Variants in ADGRA2 observed in about 807,000 individuals in gnomAD.
ADGRA2 encodes adhesion G protein-coupled receptor A2, also known as G-protein coupled receptor 124.
A neutral mutation model predicts 98.7 loss-of-function variants in ADGRA2; 61 were observed. The ratio of observed to expected loss-of-function variants is 0.62; its 90% CI spans 0.50 to 0.76. The LOEUF (loss-of-function observed/expected upper bound fraction) is 0.76, where lower values mean the gene tolerates loss of function less well. ADGRA2 is among the 30% of genes least tolerant of loss of function. The pLI is 0.00. For synonymous variants in ADGRA2, 858 were observed against 831.5 expected (o/e 1.03, Z -0.55); for missense variants, 1,712 against 1,860.0 (o/e 0.92, Z 1.46).
Position 37,837,713 on chromosome 8 carries a change from G to C in ADGRA2, c.2051-18G>C. 2 of 1,544,942 alleles carry C rather than the reference G, an allele frequency of 1.3e-6. No homozygotes were observed. The highest frequency in any genetic ancestry group is 2.4e-5 in the South Asian group (2 of 83,984). The stretch of plus-strand genomic sequence containing the variant: ...ACACCCTGTGTGTGTCTGTGTGGAC[G>C]TCCCTCTCCCGCTGTAGGTGGCTGT... On this transcript the variant is annotated intron_variant, in intron 13 of 18. Coordinates refer to ENST00000412232, the MANE Select transcript of ADGRA2 (RefSeq NM_032777.10).
chr8:37,839,396 C>T (rs989600864), intron 15 of ADGRA2, 103 bp from the exon 16 acceptor site: 37 of 1,529,698 alleles, frequency 2.4e-5, no homozygotes, highest in East Asian at 1.2e-4. Context: ...CATTCACACA[C>T]GCAGATATGT....
intron 2 of ADGRA2, among the ~76,000 whole-genome samples, chr8:37,818,767 G>C (rs1263445175): frequency 6.6e-6 from 1 of 152,210 alleles, no homozygotes; most frequent in African/African-American, 2.4e-5. Flanking sequence ...TGTGTCTGGA[G>C]GCCTAAGTGC....
At position 37,842,110 on chromosome 8, in the gene ADGRA2, A is replaced by G. The variant is rs1563355964; in HGVS notation, c.3772A>G (p.Thr1258Ala). 6.7e-7 allele frequency: 1 copy of G among 1,503,494 alleles called. No individual in the cohort carries two copies. Among genetic ancestry groups the G allele is most frequent in the Non-Finnish European group, 8.8e-7 (1 of 1,134,128 alleles). The allele number at this position is 1,503,494 out of a possible 1,614,324, so 93.1% of individuals were successfully genotyped here. Residue 1258 changes from threonine to alanine, a missense_variant, in exon 19 of 19, where the codon ACC becomes GCC. Transcript: ENST00000412232. ...PMLTPSEGSDTSAAPLSEAGR... is the reference protein window; with the variant it reads ...PMLTPSEGSDASAAPLSEAGR... ...GCTCACGCCGTCCGAGGGCAGCGAC[A>G]CCAGCGCCGCGCCGCTTTCTGAGGC...
intron 3 of ADGRA2, 138 bp downstream of exon 3, chr8:37,829,097 C>A: frequency 2.9e-6 from 2 of 697,900 alleles, no homozygotes; most frequent in South Asian, 1.7e-5. Flanking sequence ...TGGCTGGGGT[C>A]AAAGGAGCTG....
chr8:37,800,531 G>C (rs1436934997), intron 1 of ADGRA2, among the ~76,000 whole-genome samples: 1 of 152,176 alleles, frequency 6.6e-6, no homozygotes, highest in Non-Finnish European at 1.5e-5. Context: ...TCTCCATCAG[G>C]TAAGGGAATT....
At chr8:37,805,042 G>C (rs1804621413) in intron 1 of ADGRA2, among the ~76,000 whole-genome samples, 1 of 152,230 alleles carries the variant, frequency 6.6e-6, no homozygotes, top group Non-Finnish European at 1.5e-5. Flanking sequence ...TCCCAGAAAG[G>C]CTGTACCGTG....
rs1804372368 is a variant in ADGRA2, at chr8:37,797,618, A to C, written c.266+84A>C. ...GACGGGAGGGGTGGGAGCAGGGGGA[A>C]GGGGGCTATCCCCCCACTTCAGAGA... is the stretch of plus-strand genomic sequence containing the variant. On this transcript the variant is annotated intron_variant, in intron 1 of 18. Transcript: ENST00000412232. The surrounding 1 kb of genome is among the most constrained non-coding windows in gnomAD (Gnocchi z 5.3). The C allele has an allele frequency of 4.9e-6, 4 of 818,534 alleles. No individual in the cohort carries two copies. The highest frequency in any genetic ancestry group is 4.1e-5 in the South Asian group (1 of 24,642). 50.7% of individuals were successfully genotyped at this position (818,534 alleles called of 1,614,324 possible). A position where few individuals can be genotyped will look rare whatever the true frequency, so the allele number is the denominator to read the frequency against.
rs1244035957 is a variant in ADGRA2, at chr8:37,844,071, A to G, written c.*1716A>G. The G allele has an allele frequency of 1.0e-5, 2 of 191,174 alleles. No homozygotes were observed. The highest frequency in any genetic ancestry group is 2.2e-5 in the Non-Finnish European group (2 of 90,362). 11.8% of individuals were successfully genotyped at this position (191,174 alleles called of 1,614,324 possible). A position where few individuals can be genotyped will look rare whatever the true frequency, so the allele number is the denominator to read the frequency against. ...ATTGCCTGTGAATGCACGTAGGGCC[A>G]GAATTCCCCAGTTCCCGCTCCTCTG... On this transcript the variant is annotated 3_prime_UTR_variant, in exon 19 of 19. Transcript: ENST00000412232.
intron 2 of ADGRA2, among the ~76,000 whole-genome samples, chr8:37,823,039 G>A (rs893734620): frequency 1.5e-4 from 22 of 151,522 alleles, no homozygotes; most frequent in African/African-American, 4.1e-4. Context: ...TTACAGGCGC[G>A]CACTACCACA....
At position 37,814,624 on chromosome 8, in the gene ADGRA2, A is replaced by G. The variant is rs1804926665; in HGVS notation, c.267-272A>G. Among the ~76,000 whole-genome samples, 1 of 152,136 alleles carries G rather than the reference A, an allele frequency of 6.6e-6. No individual in the cohort carries two copies. The highest frequency in any genetic ancestry group is 2.1e-4 in the South Asian group (1 of 4,818). ...AACGGGGCATCACAGGGTCACCCCC[A>G]CCTGCTCAGCCCACCTCCCACCTGC... On this transcript the variant is annotated intron_variant, in intron 1 of 18. Coordinates refer to ENST00000412232, the MANE Select transcript of ADGRA2 (RefSeq NM_032777.10). The surrounding 1 kb of genome is among the most constrained non-coding windows in gnomAD (Gnocchi z 4.3).
chr8:37,825,518 G>C (rs1805252952), intron 2 of ADGRA2, among the ~76,000 whole-genome samples: 1 of 151,852 alleles, frequency 6.6e-6, no homozygotes, highest in Non-Finnish European at 1.5e-5. Context: ...CAAAGTGCAG[G>C]GATTACAGGT....
At position 37,840,748 on chromosome 8, in the gene ADGRA2, C is replaced by T. The variant is rs1327085098; in HGVS notation, c.2658-12C>T. The T allele has an allele frequency of 6.7e-7, 1 of 1,487,070 alleles. No homozygotes were observed. The highest frequency in any genetic ancestry group is 1.1e-5 in the South Asian group (1 of 87,668). The allele number at this position is 1,487,070 out of a possible 1,614,324, so 92.1% of individuals were successfully genotyped here. Reference sequence around the variant, plus strand: ...CCCATCTCTGGGACCCCCAATCCCTCATTCCCTCCAGGTTCTATTTGATCG... The same window carrying T: ...CCCATCTCTGGGACCCCCAATCCCTTATTCCCTCCAGGTTCTATTTGATCG... On this transcript the variant is annotated splice_polypyrimidine_tract_variant and intron_variant, in intron 17 of 18. Transcript: ENST00000412232.
rs916187634 is a variant in ADGRA2 at position 37,842,373 on chromosome 8, G to A, written c.*18G>A. 2.8e-6 allele frequency: 4 copies of A among 1,449,670 alleles called. No homozygotes were observed. Among genetic ancestry groups the A allele is most frequent in the Non-Finnish European group, 2.7e-6 (3 of 1,103,180 alleles). 89.8% of individuals were successfully genotyped at this position (1,449,670 alleles called of 1,614,324 possible). A position where few individuals can be genotyped will look rare whatever the true frequency, so the allele number is the denominator to read the frequency against. On this transcript the variant is annotated 3_prime_UTR_variant, in exon 19 of 19. Coordinates refer to ENST00000412232, the MANE Select transcript of ADGRA2 (RefSeq NM_032777.10). Reference sequence around the variant, plus strand: ...CCGTCTAAGGTGGGGCGGGCGACGCGGTAGACGGGCTGGCCACGCGGCTCG... The same window carrying A: ...CCGTCTAAGGTGGGGCGGGCGACGCAGTAGACGGGCTGGCCACGCGGCTCG...
rs1267691873 is a variant in ADGRA2 at position 37,797,433 on chromosome 8, C to G, written c.165C>G (p.Ser55Arg). ...CGGGGGAGCGGCCCAAGGGGCTGAG[C>G]GGCGGCGTCCCTGGCCCGGCTCGGC... ...KCSGERPKGLSGGVPGPARRR... is the reference protein window; with the variant it reads ...KCSGERPKGLRGGVPGPARRR... The change falls in exon 1 of 19, where the codon AGC (serine) becomes AGG (arginine). Residue 55 changes from serine (S) to arginine (R), a missense_variant. Ser to Arg is a moderately radical substitution (Grantham distance 110). Coordinates refer to ENST00000412232, the MANE Select transcript of ADGRA2 (RefSeq NM_032777.10). This position sits in a 1 kb window ranked among gnomAD's most constrained non-coding sequence, Gnocchi z 5.3. 7.1e-7 allele frequency: 1 copy of G among 1,418,036 alleles called. No homozygotes were observed. The highest frequency in any genetic ancestry group is 2.9e-5 in the East Asian group (1 of 34,228). 87.8% of individuals were successfully genotyped at this position (1,418,036 alleles called of 1,614,324 possible).
At chr8:37,809,328 ACTAT>A (rs1057494018) in intron 1 of ADGRA2, among the ~76,000 whole-genome samples, 2 of 148,810 alleles carry the variant, frequency 1.3e-5, no homozygotes, top group Admixed American at 1.3e-4. Flanking sequence ...AGACCCCTGC[ACTAT>A]CTGTCTAAAA....
chr8:37,818,304 C>G (rs1294855452), intron 2 of ADGRA2, among the ~76,000 whole-genome samples: 4 of 152,208 alleles, frequency 2.6e-5, no homozygotes, highest in African/African-American at 9.7e-5. Context: ...CTGCACAGAG[C>G]CCCTGGTGGC....
intron 2 of ADGRA2, 38 bp from the exon 3 acceptor site, chr8:37,828,849 CG>C: frequency 1.9e-6 from 3 of 1,543,852 alleles, no homozygotes; most frequent in South Asian, 1.2e-5. Context: ...GCGGCTCCAG[CG>C]GGGAGAGGTG....
intron 2 of ADGRA2, among the ~76,000 whole-genome samples, chr8:37,825,739 G>A (rs1290199442): frequency 6.6e-6 from 1 of 152,226 alleles, no homozygotes; most frequent in African/African-American, 2.4e-5. Context: ...TCTTATGGTA[G>A]CATTTCTCCC....
In ADGRA2 at chr8:37,829,521, A is replaced by G; in HGVS notation, c.516A>G (p.Gln172=). The change falls in exon 5 of 19, where the codon CAA becomes CAG. Residue 172 remains glutamine, a synonymous_variant. Coordinates refer to ENST00000412232, the MANE Select transcript of ADGRA2 (RefSeq NM_032777.10). ...NISGNIFSSL[Q]PGVFDELPAL... ...CTGGAAACATCTTCTCCAGTCTGCA[A>G]CCTGGGGTCTTTGATGAGCTGCCAG... is the stretch of plus-strand genomic sequence containing the variant. 6.2e-7 allele frequency: 1 copy of G among 1,613,778 alleles called. No homozygotes were observed. The highest frequency in any genetic ancestry group is 8.5e-7 in the Non-Finnish European group (1 of 1,179,724).
Sources: gnomAD v4.1 joint callset for allele counts (sites outside exome capture counted in the v4.1 genomes callset) on GRCh38, gnomAD v4.1.1 for gene constraint, Gnocchi (gnomAD v3.1) non-coding constraint, MANE v1.5 for transcripts, NCBI Gene and HGNC (gene_info 2026-07-23, HGNC 2026-07-21) for gene names.